BCL7A: variants seen among roughly 807,000 people sequenced by gnomAD.
BCL7A encodes the protein BAF chromatin remodeling complex subunit BCL7A.
In BCL7A, 11 loss-of-function variants were observed where a neutral mutation model predicts 28.4. The ratio of observed to expected loss-of-function variants is 0.39; its 90% CI spans 0.24 to 0.64. The LOEUF is 0.64. BCL7A is among the 30% of genes least tolerant of loss of function. The pLI, the probability that BCL7A is intolerant of heterozygous loss-of-function variation, is 0.50. For missense variants in BCL7A, 222 were observed against 274.8 expected, an observed-to-expected ratio of 0.81 and a Z score of 1.36; for synonymous variants, 123 against 103.3, an observed-to-expected ratio of 1.19 and a Z score of -1.15.
chr12:122,044,138 C>A, intron 4 of BCL7A, 85 bp downstream of exon 4: 1 of 1,457,918 alleles, frequency 6.9e-7, no homozygotes, highest in Non-Finnish European at 9.2e-7. Flanking sequence ...CCAGGAGGCC[C>A]TGTCATGTGC....
rs144290994 is a variant in BCL7A, at chr12:122,060,711, C to T, written c.*1548C>T. ...GTGCATATTCAGGTACCACCTTTGA[C>T]GTGTGGCTCTTTCTCCTGACCATCA... On this transcript the variant is annotated 3_prime_UTR_variant, in exon 6 of 6. Coordinates refer to ENST00000261822, the MANE Select transcript of BCL7A (RefSeq NM_001024808.3). 8.1e-4 allele frequency: 189 copies of T among 232,340 alleles called. No homozygotes were observed. Among genetic ancestry groups the T allele is most frequent in the African/African-American group, 3.8e-3 (173 of 45,246 alleles). The allele number at this position is 232,340 out of a possible 1,614,324, so 14.4% of individuals were successfully genotyped here.
At position 122,029,627 on chromosome 12, in the gene BCL7A, G is replaced by T. The variant is rs889431543; in HGVS notation, c.93-1073G>T. 1.3e-5 allele frequency among the ~76,000 whole-genome samples: 2 copies of T among 152,222 alleles called. No individual in the cohort carries two copies. Among genetic ancestry groups the T allele is most frequent in the Admixed American group, 6.5e-5 (1 of 15,296 alleles). On this transcript the variant is annotated intron_variant, in intron 1 of 5. Coordinates refer to ENST00000261822, the MANE Select transcript of BCL7A (RefSeq NM_001024808.3). This position sits in a 1 kb window ranked among gnomAD's most constrained non-coding sequence, Gnocchi z 4.3. Reference sequence around the variant, plus strand: ...AGTGCCTGCTGGGCCCCTTAAATCCGCCAGCCTCCTAGCTGAGCCATCAGT... The same window carrying T: ...AGTGCCTGCTGGGCCCCTTAAATCCTCCAGCCTCCTAGCTGAGCCATCAGT...
chr12:122,028,866 G>A (rs781699074), intron 1 of BCL7A, among the ~76,000 whole-genome samples: 3 of 152,194 alleles, frequency 2.0e-5, no homozygotes, highest in African/African-American at 4.8e-5. Context: ...AACAACTGAG[G>A]TTCTTCCCAG....
chr12:122,050,455 C>T (rs368783833), intron 4 of BCL7A, among the ~76,000 whole-genome samples: 7 of 152,210 alleles, frequency 4.6e-5, no homozygotes, highest in African/African-American at 1.4e-4. Context: ...CCATAGCCTT[C>T]GCTGCGTACA....
chr12:122,033,325 A>AT (rs1041585921), intron 2 of BCL7A, among the ~76,000 whole-genome samples: 8 of 151,286 alleles, frequency 5.3e-5, no homozygotes, highest in South Asian at 2.1e-4. Flanking sequence ...TTATTCATTT[A>AT]TTTTTTTGAG....
chr12:122,023,674 G>T (rs928780860), intron 1 of BCL7A, among the ~76,000 whole-genome samples: 3 of 152,188 alleles, frequency 2.0e-5, no homozygotes, highest in Non-Finnish European at 4.4e-5. Context: ...CAAGTCGTCG[G>T]TGTCTCGGGA....
intron 4 of BCL7A, among the ~76,000 whole-genome samples, chr12:122,044,636 A>G (rs1217144623): frequency 1.3e-5 from 2 of 152,188 alleles, no homozygotes; most frequent in Admixed American, 6.6e-5. Flanking sequence ...CAGCCTGGAT[A>G]GCATAGCAAG....
At chr12:122,058,548 A>G (rs1332025264) in intron 5 of BCL7A, among the ~76,000 whole-genome samples, 1 of 152,078 alleles carries the variant, frequency 6.6e-6, no homozygotes, top group Non-Finnish European at 1.5e-5. Flanking sequence ...AATCACAGCT[A>G]CTTGGGAGGC....
At chr12:122,054,254 AT>A (rs1317886686) in intron 4 of BCL7A, among the ~76,000 whole-genome samples, 51 of 151,916 alleles carry the variant, frequency 3.4e-4, no homozygotes, top group African/African-American at 1.2e-3. Context: ...CGCCCGGCTA[AT>A]TTTTTGTATT....
intron 5 of BCL7A, 146 bp downstream of exon 5, chr12:122,055,072 T>C (rs2280574): frequency 0.47 from 705,018 of 1,506,720 alleles, 167,435 homozygotes; most frequent in Middle Eastern, 0.57. Context: ...TTGGGCTATG[T>C]CCATGAACAC....
intron 5 of BCL7A, among the ~76,000 whole-genome samples, chr12:122,057,104 G>A (rs1951884326): frequency 6.6e-6 from 1 of 152,228 alleles, no homozygotes; most frequent in South Asian, 2.1e-4. Context: ...ACAGGGTGAC[G>A]TGAAGAAGCA....
chr12:122,061,157 G>T lies in BCL7A; in HGVS notation c.*1994G>T. ...GCGAAACTCCATCTTGGTGAGAGAT[G>T]AATTTGGATATTTATTTCCTTCTCT... On this transcript the variant is annotated 3_prime_UTR_variant, in exon 6 of 6. Coordinates refer to ENST00000261822, the MANE Select transcript of BCL7A (RefSeq NM_001024808.3). 2 of 226,136 alleles carry T rather than the reference G, an allele frequency of 8.8e-6. No individual in the cohort carries two copies. The highest frequency in any genetic ancestry group is 1.3e-4 in the East Asian group (2 of 15,646). 14.0% of individuals were successfully genotyped at this position (226,136 alleles called of 1,614,324 possible). A position where few individuals can be genotyped will look rare whatever the true frequency, so the allele number is the denominator to read the frequency against.
At chr12:122,056,339 A>G (rs918774289) in intron 5 of BCL7A, among the ~76,000 whole-genome samples, 9 of 151,720 alleles carry the variant, frequency 5.9e-5, no homozygotes, top group Admixed American at 5.9e-4. Context: ...CCCCATTCTC[A>G]CATCGCCCCC....
chr12:122,025,261 G>A (rs1593021139), intron 1 of BCL7A, among the ~76,000 whole-genome samples: 1 of 152,144 alleles, frequency 6.6e-6, no homozygotes. Flanking sequence ...GCTTTGGGAG[G>A]CTGAGACAGG....
Position 122,044,070 on chromosome 12 carries a change from G to T in BCL7A, c.439+17G>T, listed in dbSNP as rs1884019577. ...GAGCTGAAGGTATGTGGCCTCTGGA[G>T]GTGGGGCTCTGACGGCCTCCCTGTA... On this transcript the variant is annotated intron_variant, in intron 4 of 5. Coordinates refer to ENST00000261822, the MANE Select transcript of BCL7A (RefSeq NM_001024808.3). 6.2e-7 allele frequency: 1 copy of T among 1,603,522 alleles called. No individual in the cohort carries two copies. Among genetic ancestry groups the T allele is most frequent in the African/African-American group, 1.3e-5 (1 of 74,768 alleles).
chr12:122,048,851 T>C (rs1884129111), intron 4 of BCL7A, among the ~76,000 whole-genome samples: 1 of 151,214 alleles, frequency 6.6e-6, no homozygotes, highest in Non-Finnish European at 1.5e-5. Context: ...AAAACACTGT[T>C]TCTACTAAAA....
intron 2 of BCL7A, among the ~76,000 whole-genome samples, chr12:122,031,556 T>G (rs987164357): frequency 6.6e-6 from 1 of 152,142 alleles, no homozygotes; most frequent in African/African-American, 2.4e-5. Flanking sequence ...TCTGTACAAG[T>G]GAGGGCACAG....
rs1446959985 is a variant in BCL7A, at chr12:122,047,306, A to G, written c.439+3253A>G. Among the ~76,000 whole-genome samples, 7 of 150,272 alleles carry G rather than the reference A, an allele frequency of 4.7e-5. No homozygotes were observed. In the South Asian group the frequency reaches 1.1e-3, roughly 23 times the overall value. On this transcript the variant is annotated intron_variant, in intron 4 of 5. Transcript: ENST00000261822. ...TGGGAGGCTGAGGCGGGCGGATCAC[A>G]AGGTCAGGAGATTGAGACCATCCTG...
chr12:122,045,251 T>C (rs549282437), intron 4 of BCL7A, among the ~76,000 whole-genome samples: 8 of 152,114 alleles, frequency 5.3e-5, no homozygotes, highest in African/African-American at 1.9e-4. Flanking sequence ...TGTGGTGGCA[T>C]GTGCCTGTAA....
Sources: allele counts gnomAD v4.1 joint callset (sites outside exome capture counted in the v4.1 genomes callset), GRCh38; gene constraint gnomAD v4.1.1; non-coding constraint Gnocchi (gnomAD v3.1); transcripts MANE v1.5; gene names NCBI Gene and HGNC (gene_info 2026-07-23, HGNC 2026-07-21).